Variants in ARHGAP42 observed in about 807,000 individuals in gnomAD.
ARHGAP42 encodes rho GTPase-activating protein 42.
Under a neutral mutation model 125.0 loss-of-function variants are expected in ARHGAP42, and 63 were observed. That is an observed-to-expected ratio of 0.50 (90% CI 0.41 to 0.62). ARHGAP42 has a LOEUF of 0.62. ARHGAP42 is among the 20% of genes least tolerant of loss of function. The pLI is 0.00. For missense variants in ARHGAP42, 766 were observed against 1,024.2 expected (o/e 0.75, Z 3.44); for synonymous variants, 339 against 351.0 (o/e 0.97, Z 0.38).
chr11:100,900,000 A>T lies in ARHGAP42; in HGVS notation c.385-13452A>T, dbSNP rs141780123. Reference sequence around the variant, plus strand: ...TTGATTGATGTAGTTTCTTCATAGCATCGATGGTCTTTTCAATTTGGCATG... The same window carrying T: ...TTGATTGATGTAGTTTCTTCATAGCTTCGATGGTCTTTTCAATTTGGCATG... On this transcript the variant is annotated intron_variant, in intron 4 of 23. Coordinates refer to ENST00000298815, the MANE Select transcript of ARHGAP42 (RefSeq NM_152432.4). Among the ~76,000 whole-genome samples the T allele has an allele frequency of 2.6e-3, 402 of 152,178 alleles. 3 individuals carry two copies. The highest frequency in any genetic ancestry group is 1.6e-3 in the Non-Finnish European group (107 of 67,996).
At chr11:100,915,288 T>C (rs1253861445) in intron 5 of ARHGAP42, among the ~76,000 whole-genome samples, 2 of 152,174 alleles carry the variant, frequency 1.3e-5, no homozygotes, top group African/African-American at 4.8e-5. Flanking sequence ...TCTTAATACA[T>C]TGCACTAGAA....
At chr11:100,858,978 A>G (rs1259074568) in intron 3 of ARHGAP42, among the ~76,000 whole-genome samples, 2 of 152,142 alleles carry the variant, frequency 1.3e-5, no homozygotes, top group Admixed American at 6.6e-5. Context: ...GTAAATCTCA[A>G]TGTGGAATTT....
intron 3 of ARHGAP42, among the ~76,000 whole-genome samples, chr11:100,857,418 T>C (rs1032219901): frequency 6.6e-6 from 1 of 152,134 alleles, no homozygotes; most frequent in Admixed American, 6.6e-5. Context: ...ATGTAAACCA[T>C]TGGATGTGAA....
At chr11:100,722,588 C>T (rs1275722910) in intron 1 of ARHGAP42, among the ~76,000 whole-genome samples, 1 of 152,076 alleles carries the variant, frequency 6.6e-6, no homozygotes. Context: ...CGGGTTTCAC[C>T]ATGTTGGCCA....
At chr11:100,818,475 A>C (rs538148313) in intron 3 of ARHGAP42, among the ~76,000 whole-genome samples, 1 of 152,256 alleles carries the variant, frequency 6.6e-6, no homozygotes, top group East Asian at 1.9e-4. Context: ...GGAATTTGGA[A>C]AGACTTAGTG....
intron 4 of ARHGAP42, among the ~76,000 whole-genome samples, chr11:100,861,574 T>C: frequency 6.6e-6 from 1 of 152,194 alleles, no homozygotes; most frequent in East Asian, 1.9e-4. Context: ...GTATGAAAGC[T>C]ATTTTAGAGG....
chr11:100,818,354 G>A (rs1284118816), intron 3 of ARHGAP42, among the ~76,000 whole-genome samples: 1 of 152,122 alleles, frequency 6.6e-6, no homozygotes, highest in Non-Finnish European at 1.5e-5. Context: ...AGTTATTGAC[G>A]GAGATGCATG....
chr11:100,797,498 C>T (rs1863745744), intron 3 of ARHGAP42, among the ~76,000 whole-genome samples: 1 of 152,052 alleles, frequency 6.6e-6, no homozygotes, highest in Non-Finnish European at 1.5e-5. Context: ...TAAATCTACC[C>T]TGTCTGGGCT....
intron 3 of ARHGAP42, among the ~76,000 whole-genome samples, chr11:100,829,889 ATTAC>A (rs1864625043): frequency 6.6e-6 from 1 of 152,160 alleles, no homozygotes; most frequent in East Asian, 1.9e-4. Flanking sequence ...GATGTTTACA[ATTAC>A]TTTGTGATGA....
At chr11:100,698,251 C>A (rs1430522201) in intron 1 of ARHGAP42, among the ~76,000 whole-genome samples, 2 of 152,102 alleles carry the variant, frequency 1.3e-5, no homozygotes, top group African/African-American at 4.8e-5. Flanking sequence ...GTGGGAGCAT[C>A]ATTTGAGGCC....
chr11:100,916,083 G>A (rs1006250729), intron 5 of ARHGAP42, among the ~76,000 whole-genome samples: 2 of 152,098 alleles, frequency 1.3e-5, no homozygotes, highest in Non-Finnish European at 2.9e-5. Flanking sequence ...ATAAGTGGCT[G>A]CCCATTTCCA....
At chr11:100,842,461 C>T (rs1420401172) in intron 3 of ARHGAP42, among the ~76,000 whole-genome samples, 2 of 152,174 alleles carry the variant, frequency 1.3e-5, no homozygotes, top group Admixed American at 1.3e-4. Context: ...TTCTGTCTTA[C>T]ATTTTCTCGG....
At position 100,690,394 on chromosome 11, in the gene ARHGAP42, T is replaced by C. The variant is rs527946582; in HGVS notation, c.154+2562T>C. Reference sequence around the variant, plus strand: ...CGTGAGAGTTTTGACTTGCACTCTCTTAGGTAATACACGCCTGACTATTCC... The same window carrying C: ...CGTGAGAGTTTTGACTTGCACTCTCCTAGGTAATACACGCCTGACTATTCC... On this transcript the variant is annotated intron_variant, in intron 1 of 23. Coordinates refer to ENST00000298815, the MANE Select transcript of ARHGAP42 (RefSeq NM_152432.4). Among the ~76,000 whole-genome samples, 20 of 152,292 alleles carry C rather than the reference T, an allele frequency of 1.3e-4. No homozygotes were observed. In the South Asian group the frequency reaches 4.1e-3, roughly 32 times the overall value.
intron 2 of ARHGAP42, among the ~76,000 whole-genome samples, chr11:100,785,496 T>C (rs1863411232): frequency 6.6e-6 from 1 of 152,166 alleles, no homozygotes; most frequent in Non-Finnish European, 1.5e-5. Context: ...GTGTGTGAAT[T>C]ACAGAGAAGA....
At chr11:100,903,744 A>C (rs766800181) in intron 4 of ARHGAP42, among the ~76,000 whole-genome samples, 1,373 of 113,868 alleles carry the variant, frequency 0.012, 27 homozygotes, top group Non-Finnish European at 0.02. Context: ...ATATATATAT[A>C]TATATATATA....
At chr11:100,900,679 C>T (rs942525608) in intron 4 of ARHGAP42, among the ~76,000 whole-genome samples, 1 of 152,140 alleles carries the variant, frequency 6.6e-6, no homozygotes, top group African/African-American at 2.4e-5. Flanking sequence ...TGCTGATACC[C>T]TTTCTTCCAC....
In ARHGAP42 at chr11:100,965,690, C is replaced by T. The variant is rs1400988745; in HGVS notation, c.1464C>T (p.Tyr488=). 1 of 1,550,490 alleles carries T rather than the reference C, an allele frequency of 6.4e-7. No homozygotes were observed. The highest frequency in any genetic ancestry group is 8.7e-7 in the Non-Finnish European group (1 of 1,146,884). ...IIAVKSDDQN[Y]RVEAVHALVH... is the part of the protein sequence containing the mutation. ...TAACAGAATCTGATGATCAAAACTACAGGGTGGAGGCTGTACATGCATTGG... is the reference window on the plus strand; with the variant it reads ...TAACAGAATCTGATGATCAAAACTATAGGGTGGAGGCTGTACATGCATTGG... Residue 488 remains tyrosine, a synonymous_variant, in exon 17 of 24, where the codon TAC becomes TAT. Coordinates refer to ENST00000298815, the MANE Select transcript of ARHGAP42 (RefSeq NM_152432.4).
At chr11:100,712,757 T>C (rs138833882) in intron 1 of ARHGAP42, among the ~76,000 whole-genome samples, 1 of 152,360 alleles carries the variant, frequency 6.6e-6, no homozygotes, top group East Asian at 1.9e-4. Flanking sequence ...GAAGCTGGAA[T>C]AGATACAGTC....
Position 100,913,524 on chromosome 11 carries a change from G to T in ARHGAP42, c.457G>T (p.Ala153Ser), listed in dbSNP as rs761509166. 11 of 1,293,324 alleles carry T rather than the reference G, an allele frequency of 8.5e-6. No individual in the cohort carries two copies. In the South Asian group the frequency reaches 1.2e-4, roughly 14 times the overall value. 80.1% of individuals were successfully genotyped at this position (1,293,324 alleles called of 1,614,324 possible). A position where few individuals can be genotyped will look rare whatever the true frequency, so the allele number is the denominator to read the frequency against. The change falls in exon 5 of 24, where the codon GCA (alanine) becomes TCA (serine). Residue 153 changes from alanine to serine, a missense_variant. By Grantham distance (99) the Ala-to-Ser change is moderately conservative. Around this residue, in one of 3 missense-constraint regions of ARHGAP42, gnomAD observed 455 missense variants for 636.5 expected, o/e 0.71. Transcript: ENST00000298815. ...SILEKHLNLS[A>S]KKKESHLQEA... ...CCTTGAAAAGCATTTAAATTTGTCC[G>T]CAAAGAAAAAGGAGTCTCATTTACA...
Sources: gnomAD v4.1 joint callset for allele counts (sites outside exome capture counted in the v4.1 genomes callset) on GRCh38, gnomAD v4.1.1 for gene constraint, gnomAD v4.1.1 regional missense constraint, MANE v1.5 for transcripts, NCBI Gene and HGNC (gene_info 2026-07-23, HGNC 2026-07-21) for gene names.